Variants in XIRP2 observed in about 807,000 individuals in gnomAD.
XIRP2 encodes xin actin binding repeat containing 2, also known as xin actin-binding repeat-containing protein 2.
In XIRP2, 236 loss-of-function variants were observed where a neutral mutation model predicts 277.0. The observed-to-expected ratio is 0.85, with a 90% CI of 0.77 to 0.95. XIRP2 has a LOEUF of 0.95. XIRP2 is among the 40% of genes least tolerant of loss of function. The probability of loss-of-function intolerance (pLI) is 0.00; values close to 1 mark genes in which losing one functional copy is unlikely to be tolerated. For synonymous variants in XIRP2, 1,490 were observed against 1,416.5 expected (o/e 1.05, Z -1.17); for missense variants, 4,640 against 4,157.5 (o/e 1.12, Z -3.19).
At chr2:167,031,018 C>CTTTTTT (rs35008535) in intron 2 of XIRP2, among the ~76,000 whole-genome samples, 2 of 144,216 alleles carry the variant, frequency 1.4e-5, no homozygotes, top group Non-Finnish European at 1.5e-5. Context: ...GCAAGCTTTG[C>CTTTTTT]TTTTTTTTTT....
At chr2:167,029,630 G>A (rs990061500) in intron 2 of XIRP2, among the ~76,000 whole-genome samples, 1 of 152,044 alleles carries the variant, frequency 6.6e-6, no homozygotes, top group Non-Finnish European at 1.5e-5. Context: ...GAGAATTTTT[G>A]CATCGACGTT....
At position 166,920,619 on chromosome 2, in the gene XIRP2, A is replaced by G. The variant is rs577528127; in HGVS notation, c.408+16729A>G. ...TTTTCCCCTTTTCTTACAGGTACAT[A>G]AAATACTAAAGTTGTTTTACTTTTG... On this transcript the variant is annotated intron_variant, in intron 2 of 10. Coordinates refer to ENST00000409195, the MANE Select transcript of XIRP2 (RefSeq NM_152381.6). Among the ~76,000 whole-genome samples the G allele has an allele frequency of 2.0e-5, 3 of 152,300 alleles. No homozygotes were observed. The South Asian group carries it at 6.2e-4, about 32-fold the overall frequency.
rs775702167 is a variant in XIRP2, at chr2:167,239,899, G to A, written c.903G>A (p.Gln301=). 1.5e-5 allele frequency: 24 copies of A among 1,609,388 alleles called. No individual in the cohort carries two copies. The highest frequency in any genetic ancestry group is 2.0e-5 in the Non-Finnish European group (24 of 1,178,330). Residue 301 remains glutamine, a synonymous_variant, in exon 6 of 11, where the codon CAG becomes CAA. Transcript: ENST00000409195. Reference sequence around the variant, plus strand: ...AGGTTGGCACTTCAAGAAGCAGCCAGGAAATGGCAAGAAATGAACAAGAAG... The same window carrying A: ...AGGTTGGCACTTCAAGAAGCAGCCAAGAAATGGCAAGAAATGAACAAGAAG... The part of the protein sequence containing the change: ...SSQVGTSRSS[Q]EMARNEQEGS...
At chr2:167,136,536 T>C (rs1691557597) in intron 3 of XIRP2, among the ~76,000 whole-genome samples, 1 of 152,202 alleles carries the variant, frequency 6.6e-6, no homozygotes, top group South Asian at 2.1e-4. Context: ...CAAAGTGACA[T>C]AAGAGTGTTA....
chr2:166,944,154 T>A (rs1417606320), intron 2 of XIRP2, among the ~76,000 whole-genome samples: 3 of 152,252 alleles, frequency 2.0e-5, no homozygotes, highest in South Asian at 2.1e-4. Context: ...TACAAGGTTT[T>A]TCCAGTTCAT....
intron 2 of XIRP2, among the ~76,000 whole-genome samples, chr2:167,071,354 A>C (rs1237579502): frequency 1.3e-5 from 2 of 152,224 alleles, no homozygotes; most frequent in Non-Finnish European, 2.9e-5. Flanking sequence ...TCTACACCAA[A>C]AAAATGCGTT....
At position 167,254,115 on chromosome 2, in the gene XIRP2, G is replaced by A; in HGVS notation, c.10639G>A (p.Glu3547Lys). The A allele has an allele frequency of 6.2e-7, 1 of 1,610,852 alleles. No homozygotes were observed. Among genetic ancestry groups the A allele is most frequent in the Non-Finnish European group, 8.5e-7 (1 of 1,178,248 alleles). Residue 3547 changes from glutamate (E) to lysine (K), a missense_variant, in exon 10 of 11, where the codon GAA becomes AAA. By Grantham distance (56) the Glu-to-Lys change is moderately conservative. Coordinates refer to ENST00000409195, the MANE Select transcript of XIRP2 (RefSeq NM_152381.6). The part of the protein sequence containing the change: ...SNGVPSGRQA[E>K]FS ...TGGAGTGCCTAGTGGCAGACAAGCA[G>A]AATTTTCATAAGTCCTGCTTCCGAT...
At chr2:167,140,667 G>A (rs1478495730) in intron 3 of XIRP2, 1 of 152,116 alleles carries the variant, frequency 6.6e-6, no homozygotes, top group African/African-American at 2.4e-5. Context: ...TGTTATTTTA[G>A]TTCATACAGG....
intron 3 of XIRP2, among the ~76,000 whole-genome samples, chr2:167,195,358 A>G (rs947592993): frequency 2.6e-5 from 4 of 152,194 alleles, no homozygotes; most frequent in Admixed American, 1.3e-4. Flanking sequence ...CCTTGTCAGT[A>G]ATTTGACCTG....
At chr2:167,003,320 A>G (rs1374574160) in intron 2 of XIRP2, among the ~76,000 whole-genome samples, 2 of 151,974 alleles carry the variant, frequency 1.3e-5, no homozygotes, top group African/African-American at 2.4e-5. Context: ...TTAGAATAGG[A>G]TGAATTAAAT....
rs1279517623 is a variant in XIRP2, at chr2:167,243,506, G to A, written c.2114G>A (p.Gly705Glu). 1.9e-6 allele frequency: 3 copies of A among 1,614,044 alleles called. No individual in the cohort carries two copies. Among genetic ancestry groups the A allele is most frequent in the Middle Eastern group, 1.6e-4 (1 of 6,062 alleles). ...MFETQHLDQL[G>E]QLHSVDEVHL... ...GAAACTCAACATCTAGATCAACTTG[G>A]ACAGCTTCATTCAGTGGATGAGGTT... Residue 705 changes from glycine to glutamate, a missense_variant, in exon 9 of 11, where the codon GGA becomes GAA. Physicochemically the swap from Gly to Glu is moderately conservative, Grantham distance 98. Transcript: ENST00000409195.
intron 3 of XIRP2, among the ~76,000 whole-genome samples, chr2:167,143,222 T>C (rs1407514567): frequency 6.6e-6 from 1 of 152,108 alleles, no homozygotes; most frequent in Non-Finnish European, 1.5e-5. Context: ...CCCCTGCCCC[T>C]GAGTAGCTTA....
At chr2:167,043,884 A>G (rs1009532453) in intron 2 of XIRP2, among the ~76,000 whole-genome samples, 2 of 152,070 alleles carry the variant, frequency 1.3e-5, no homozygotes, top group Non-Finnish European at 2.9e-5. Context: ...AAATGTCATC[A>G]TCATTGTAGA....
intron 2 of XIRP2, among the ~76,000 whole-genome samples, chr2:167,120,530 G>A (rs1286075359): frequency 6.6e-6 from 1 of 152,118 alleles, no homozygotes; most frequent in East Asian, 1.9e-4. Context: ...TGGTATGTCT[G>A]AATTATCATT....
chr2:167,088,501 A>T (rs146255378), intron 2 of XIRP2, among the ~76,000 whole-genome samples: 2 of 152,276 alleles, frequency 1.3e-5, no homozygotes, highest in East Asian at 1.9e-4. Flanking sequence ...TACAGCCAGG[A>T]TGATCTTTCA....
intron 5 of XIRP2, among the ~76,000 whole-genome samples, chr2:167,234,739 A>C (rs1439913723): frequency 6.6e-6 from 1 of 151,812 alleles, no homozygotes; most frequent in African/African-American, 2.4e-5. Context: ...TCACACAAAG[A>C]ATTAGGACTT....
chr2:167,175,776 G>A (rs970631911), intron 3 of XIRP2, among the ~76,000 whole-genome samples: 6 of 152,274 alleles, frequency 3.9e-5, no homozygotes, highest in Middle Eastern at 3.4e-3. Flanking sequence ...CCAGGGAGTT[G>A]GGGATTTTAT....
At chr2:167,048,189 T>C (rs1315238141) in intron 2 of XIRP2, among the ~76,000 whole-genome samples, 1 of 152,002 alleles carries the variant, frequency 6.6e-6, no homozygotes, top group Non-Finnish European at 1.5e-5. Context: ...TTATGCATAT[T>C]CCATTCTTCT....
At chr2:166,949,578 A>G (rs1002558685) in intron 2 of XIRP2, among the ~76,000 whole-genome samples, 3 of 152,020 alleles carry the variant, frequency 2.0e-5, no homozygotes, top group African/African-American at 4.8e-5. Flanking sequence ...TTATTTCTCC[A>G]TGTGAATAGC....
Sources: gnomAD v4.1 joint callset for allele counts (sites outside exome capture counted in the v4.1 genomes callset) on GRCh38, gnomAD v4.1.1 for gene constraint, MANE v1.5 for transcripts, NCBI Gene and HGNC (gene_info 2026-07-23, HGNC 2026-07-21) for gene names.